The following LGALS4 variants were observed in gnomAD, a reference collection of about 807,000 sequenced individuals.
The protein encoded by LGALS4 is galectin 4.
In LGALS4, 37 loss-of-function variants were observed where a neutral mutation model predicts 39.6. That is an observed-to-expected ratio of 0.93 (90% CI 0.72 to 1.23). LGALS4 has a LOEUF of 1.23. Among genes scored for constraint, LGALS4 ranks in the 50% most tolerant of loss-of-function variants. The probability of loss-of-function intolerance (pLI) is 0.00; values close to 1 mark genes in which losing one functional copy is unlikely to be tolerated. For synonymous variants in LGALS4, 160 were observed against 165.5 expected (o/e 0.97, Z 0.25); for missense variants, 397 against 433.2 (o/e 0.92, Z 0.74).
chr19:38,804,746 C>G lies in LGALS4; in HGVS notation c.475-851G>C, dbSNP rs147767038. Among the ~76,000 whole-genome samples, 1,114 of 151,914 alleles carry G rather than the reference C, an allele frequency of 7.3e-3. 9 individuals are homozygous for G. The highest frequency in any genetic ancestry group is 0.026 in the African/African-American group (1,060 of 41,438). On this transcript the variant is annotated intron_variant, in intron 4 of 9. Transcript: ENST00000307751. Reference sequence around the variant, plus strand: ...GAGGCTGAGGAAGAATTCCTTAAACCTGGGAGGCAGAGGGTGCAGTGAGCT... The same window carrying G: ...GAGGCTGAGGAAGAATTCCTTAAACGTGGGAGGCAGAGGGTGCAGTGAGCT...
At chr19:38,807,354 G>A (rs1012207107) in intron 3 of LGALS4, among the ~76,000 whole-genome samples, 3 of 152,076 alleles carry the variant, frequency 2.0e-5, no homozygotes, top group Non-Finnish European at 2.9e-5. Context: ...GCAACAGAGC[G>A]AGACCCAGTC....
chr19:38,809,470 G>T (rs535064297), intron 2 of LGALS4, among the ~76,000 whole-genome samples: 2 of 151,108 alleles, frequency 1.3e-5, no homozygotes, highest in South Asian at 2.1e-4. Flanking sequence ...GTGAGACACC[G>T]TGCCTGACAT....
chr19:38,802,986 ATTTTCTTTTTC>A (rs576921536), intron 7 of LGALS4: 3,535 of 118,120 alleles, frequency 0.03, 92 homozygotes, highest in South Asian at 0.074. Flanking sequence ...CCAAGAATAA[ATTTTCTTTTTC>A]TTTTCTTTTT....
Position 38,803,722 on chromosome 19 carries a change from C to T in LGALS4, c.540+20G>A. 2 of 1,611,824 alleles carry T rather than the reference C, an allele frequency of 1.2e-6. No individual in the cohort carries two copies. Among genetic ancestry groups the T allele is most frequent in the South Asian group, 1.1e-5 (1 of 90,556 alleles). Reference sequence around the variant, plus strand: ...CCATTCCCACTCCTCACCCGGGGCCCTCCCAGCCCTCCCACTCACGGGCAG... The same window carrying T: ...CCATTCCCACTCCTCACCCGGGGCCTTCCCAGCCCTCCCACTCACGGGCAG... On this transcript the variant is annotated intron_variant, in intron 6 of 9. Coordinates refer to ENST00000307751, the MANE Select transcript of LGALS4 (RefSeq NM_006149.4).
chr19:38,808,271 GGGAA>G (rs1971446994), intron 3 of LGALS4, among the ~76,000 whole-genome samples: 1 of 151,862 alleles, frequency 6.6e-6, no homozygotes, highest in Non-Finnish European at 1.5e-5. Flanking sequence ...GGAGGGAAGG[GGGAA>G]GGAAGGAGGG....
intron 2 of LGALS4, among the ~76,000 whole-genome samples, chr19:38,810,675 C>A (rs1331223085): frequency 6.6e-6 from 1 of 151,090 alleles, no homozygotes; most frequent in Non-Finnish European, 1.5e-5. Flanking sequence ...TGCGATTTTG[C>A]CATTTTGGCC....
At position 38,812,509 on chromosome 19, in the gene LGALS4, TA is replaced by T; in HGVS notation, c.55del (p.Tyr19ThrfsTer25). The T allele has an allele frequency of 6.2e-7, 1 of 1,614,112 alleles. No individual in the cohort carries two copies. The highest frequency in any genetic ancestry group is 8.5e-7 in the Non-Finnish European group (1 of 1,179,962). On this transcript the variant is annotated frameshift_variant, in exon 2 of 10. Transcript: ENST00000307751. LOFTEE classifies it high-confidence loss of function. ...GAGCCCGCCCGGGATGGGCTGGTAG[TA>T]AGGCAGCGTCTGGAGAAGAGGCCTG... ...YQPTYNPTLPYYQPIPGGLNV... is the reference protein window; with the variant it reads ...YQPTYNPTLPXYQPIPGGLNV...
intron 2 of LGALS4, among the ~76,000 whole-genome samples, chr19:38,810,353 C>CTT (rs1568353005): frequency 7.6e-6 from 1 of 131,394 alleles, no homozygotes. Flanking sequence ...TGAGATTTCG[C>CTT]CTTTTTTTTT....
chr19:38,808,672 G>C, intron 3 of LGALS4, 72 bp downstream of exon 3: 1 of 1,172,312 alleles, frequency 8.5e-7, no homozygotes, highest in South Asian at 1.4e-5. Flanking sequence ...GAAGGAAGGC[G>C]GGAAGGAAGG....
Position 38,804,034 on chromosome 19 carries a change from C to G in LGALS4, c.475-139G>C, listed in dbSNP as rs149499679. ...ACTCTGGCATCAAAGGGTGGCACCCCGATCACAGATTCACGGAGAGGGGCA... is the reference window on the plus strand; with the variant it reads ...ACTCTGGCATCAAAGGGTGGCACCCGGATCACAGATTCACGGAGAGGGGCA... On this transcript the variant is annotated intron_variant, in intron 4 of 9. Coordinates refer to ENST00000307751, the MANE Select transcript of LGALS4 (RefSeq NM_006149.4). The G allele has an allele frequency of 1.5e-3, 1,493 of 967,782 alleles. 13 individuals are homozygous for G. The African/African-American group carries it at 0.018, about 12-fold the overall frequency. The allele number at this position is 967,782 out of a possible 1,614,324, so 59.9% of individuals were successfully genotyped here.
chr19:38,806,415 T>G, intron 4 of LGALS4, 46 bp downstream of exon 4: 1 of 1,559,430 alleles, frequency 6.4e-7, no homozygotes, highest in Non-Finnish European at 8.7e-7. Context: ...AATGTGGAAC[T>G]GAATTTAGAA....
intron 4 of LGALS4, 37 bp from the exon 5 acceptor site, chr19:38,803,932 TC>T: frequency 6.3e-7 from 1 of 1,583,308 alleles, no homozygotes; most frequent in South Asian, 1.1e-5. Flanking sequence ...TATGAGAGGG[TC>T]CCCAGATTTG....
chr19:38,802,253 G>A (rs2145351271), intron 8 of LGALS4, 63 bp downstream of exon 8: 2 of 1,596,476 alleles, frequency 1.3e-6, no homozygotes, highest in East Asian at 2.2e-5. Context: ...GGGGACAGAG[G>A]GTCTAGATTG....
chr19:38,801,849 T>G lies in LGALS4; in HGVS notation c.887A>C (p.Asp296Ala). The change falls in exon 10 of 10, where the codon GAC becomes GCC. Residue 296 changes from aspartate to alanine, a missense_variant. Transcript: ENST00000307751. ...KVYANGQHLF[D>A]FAHRLSAFQR... ...GAAGGCCGAGAGGCGATGGGCAAAG[T>G]CAAAGAGGTGCTGGCCATTGGCGTA... is the stretch of plus-strand genomic sequence containing the variant. 1 of 1,614,030 alleles carries G rather than the reference T, an allele frequency of 6.2e-7. No individual in the cohort carries two copies. Among genetic ancestry groups the G allele is most frequent in the South Asian group, 1.1e-5 (1 of 91,088 alleles).
In LGALS4 at chr19:38,803,550, G is replaced by T. The variant is rs775014964; in HGVS notation, c.542C>A (p.Thr181Asn). The T allele has an allele frequency of 6.2e-7, 1 of 1,613,962 alleles. No individual in the cohort carries two copies. The highest frequency in any genetic ancestry group is 1.1e-5 in the South Asian group (1 of 91,074). ...GTTGAAGGTTGGGGGTCCTTCCATGGTCTGTGAAGTGAGGAAGAAGCGATA... is the reference window on the plus strand; with the variant it reads ...GTTGAAGGTTGGGGGTCCTTCCATGTTCTGTGAAGTGAGGAAGAAGCGATA... Reference protein sequence around the residue: ...HCHQQLNSLPTMEGPPTFNPP... With the variant: ...HCHQQLNSLPNMEGPPTFNPP... The change falls in exon 7 of 10, where the codon ACC becomes AAC. Residue 181 changes from threonine to asparagine, a missense_variant and splice_region_variant. By Grantham distance (65) the Thr-to-Asn change is moderately conservative. Transcript: ENST00000307751.
intron 3 of LGALS4, among the ~76,000 whole-genome samples, chr19:38,807,545 C>T (rs1408733103): frequency 6.6e-6 from 1 of 151,864 alleles, no homozygotes; most frequent in Non-Finnish European, 1.5e-5. Flanking sequence ...TGAGGAGCGC[C>T]TCTGCCCGGC....
intron 5 of LGALS4, 44 bp from the exon 6 acceptor site, chr19:38,803,824 G>GA (rs770225231): frequency 9.9e-6 from 16 of 1,613,278 alleles, no homozygotes; most frequent in South Asian, 2.2e-5. Flanking sequence ...GGGGCTGAGG[G>GA]ACCCCACTAG....
At chr19:38,811,058 CG>C (rs1568353292) in intron 2 of LGALS4, among the ~76,000 whole-genome samples, 32 of 152,052 alleles carry the variant, frequency 2.1e-4, no homozygotes, top group African/African-American at 7.0e-4. Flanking sequence ...TGCGCCACCA[CG>C]CCCTGGTAAT....
Position 38,811,915 on chromosome 19 carries a change from A to G in LGALS4, c.134+516T>C, listed in dbSNP as rs564060039. 3.3e-5 allele frequency among the ~76,000 whole-genome samples: 5 copies of G among 152,100 alleles called. No individual in the cohort carries two copies. The South Asian group carries it at 1.0e-3, about 32-fold the overall frequency. On this transcript the variant is annotated intron_variant, in intron 2 of 9. Transcript: ENST00000307751. ...GTAATCCCAGCTACTCAAGAGGCTGAGGCAGGAGAATCGCTTGAACCTGGG... is the reference window on the plus strand; with the variant it reads ...GTAATCCCAGCTACTCAAGAGGCTGGGGCAGGAGAATCGCTTGAACCTGGG...
Sources: allele counts gnomAD v4.1 joint callset (sites outside exome capture counted in the v4.1 genomes callset), GRCh38; gene constraint gnomAD v4.1.1; transcripts MANE v1.5; gene names NCBI Gene and HGNC (gene_info 2026-07-23, HGNC 2026-07-21).